AARS1: variants seen among roughly 807,000 people sequenced by gnomAD.
The protein encoded by AARS1 is alanine--tRNA ligase, cytoplasmic.
A neutral mutation model predicts 108.9 loss-of-function variants in AARS1; 72 were observed. That is an observed-to-expected ratio of 0.66 (90% CI 0.55 to 0.80). The LOEUF is 0.80. Among genes scored for constraint, AARS1 ranks in the 30% least tolerant of loss-of-function variants. The probability of loss-of-function intolerance (pLI) is 0.00; values close to 1 mark genes in which losing one functional copy is unlikely to be tolerated. For missense variants in AARS1, 1,193 were observed against 1,233.2 expected (o/e 0.97, Z 0.49); for synonymous variants, 489 against 465.7 (o/e 1.05, Z -0.64).
At chr16:70,284,976 T>C (rs1368892286) in intron 1 of AARS1, among the ~76,000 whole-genome samples, 1 of 152,164 alleles carries the variant, frequency 6.6e-6, no homozygotes, top group Non-Finnish European at 1.5e-5. Context: ...ACACCTGTAA[T>C]CCCAGCACTT....
At chr16:70,275,859 C>T (rs1199578620) in intron 4 of AARS1, among the ~76,000 whole-genome samples, 1 of 145,294 alleles carries the variant, frequency 6.9e-6, no homozygotes, top group Non-Finnish European at 1.5e-5. Context: ...ATGGCATGAA[C>T]CCAGGAAGCA....
intron 15 of AARS1, among the ~76,000 whole-genome samples, chr16:70,256,936 G>C (rs1248597075): frequency 6.6e-6 from 1 of 151,788 alleles, no homozygotes; most frequent in Non-Finnish European, 1.5e-5. Flanking sequence ...CCAACGTGGA[G>C]AAACCCCCTC....
At chr16:70,288,746 T>C (rs1006148736) in intron 1 of AARS1, among the ~76,000 whole-genome samples, 1 of 151,798 alleles carries the variant, frequency 6.6e-6, no homozygotes, top group Non-Finnish European at 1.5e-5. Context: ...TTTGTATTTT[T>C]AGTAAAGACG....
intron 2 of AARS1, among the ~76,000 whole-genome samples, chr16:70,281,292 T>A (rs1210489189): frequency 1.3e-5 from 2 of 152,156 alleles, no homozygotes; most frequent in Non-Finnish European, 2.9e-5. Flanking sequence ...TTTGGGCAGC[T>A]AAGGCAGGAG....
intron 2 of AARS1, among the ~76,000 whole-genome samples, chr16:70,277,622 G>A (rs1443604513): frequency 1.3e-5 from 2 of 152,284 alleles, no homozygotes; most frequent in East Asian, 1.9e-4. Context: ...TGTATCAGTC[G>A]TCTAGCTGGG....
rs1960872710 is a variant in AARS1 at position 70,287,343 on chromosome 16, G to T, written c.-22+2078C>A. On this transcript the variant is annotated intron_variant, in intron 1 of 20. Coordinates refer to ENST00000261772, the MANE Select transcript of AARS1 (RefSeq NM_001605.3). ...CTTGGGAGGCTGAGTCAGGAGAATTGCTTGAACCTGGGAGGCGGTGGCTGC... is the reference window on the plus strand; with the variant it reads ...CTTGGGAGGCTGAGTCAGGAGAATTTCTTGAACCTGGGAGGCGGTGGCTGC... Among the ~76,000 whole-genome samples, 3 of 148,996 alleles carry T rather than the reference G, an allele frequency of 2.0e-5. No individual in the cohort carries two copies. The South Asian group carries it at 6.3e-4, about 31-fold the overall frequency.
chr16:70,269,767 T>C lies in AARS1; in HGVS notation c.817-4A>G, dbSNP rs746210439. ...TGTATGGTCGGGCACCTGTGCCCTA[T>C]AGATAAGAATCAGGAGGCAGCCCTT... On this transcript the variant is annotated splice_polypyrimidine_tract_variant and splice_region_variant and intron_variant, in intron 6 of 20. Coordinates refer to ENST00000261772, the MANE Select transcript of AARS1 (RefSeq NM_001605.3). 1.8e-5 allele frequency: 29 copies of C among 1,613,982 alleles called. No homozygotes were observed. The highest frequency in any genetic ancestry group is 4.5e-5 in the East Asian group (2 of 44,902).
At position 70,276,954 on chromosome 16, in the gene AARS1, C is replaced by T. The variant is rs766942839; in HGVS notation, c.333+12G>A. 26 of 1,613,988 alleles carry T rather than the reference C, an allele frequency of 1.6e-5. No individual in the cohort carries two copies. Among genetic ancestry groups the T allele is most frequent in the African/African-American group, 2.7e-5 (2 of 74,912 alleles). On this transcript the variant is annotated intron_variant, in intron 3 of 20. Coordinates refer to ENST00000261772, the MANE Select transcript of AARS1 (RefSeq NM_001605.3). Reference sequence around the variant, plus strand: ...CCTCAAAACCCTAGTGGTTCTTCTGCTCTGAACTTACCTTAAAGTAATCTC... The same window carrying T: ...CCTCAAAACCCTAGTGGTTCTTCTGTTCTGAACTTACCTTAAAGTAATCTC...
Position 70,253,394 on chromosome 16 carries a change from C to T in AARS1, c.2608-13G>A. 6.2e-7 allele frequency: 1 copy of T among 1,605,734 alleles called. No individual in the cohort carries two copies. The highest frequency in any genetic ancestry group is 8.5e-7 in the Non-Finnish European group (1 of 1,172,620). ...CTTCATTCAGGGCCTGTGGGGAGGA[C>T]CTGGCTCAGGCCACGGTGCTGGAGC... On this transcript the variant is annotated splice_polypyrimidine_tract_variant and intron_variant, in intron 19 of 20. Coordinates refer to ENST00000261772, the MANE Select transcript of AARS1 (RefSeq NM_001605.3).
intron 2 of AARS1, among the ~76,000 whole-genome samples, chr16:70,279,670 C>CAAAAAAAAAAAAAAAA (rs367753826): frequency 8.7e-6 from 1 of 114,576 alleles, no homozygotes; most frequent in Non-Finnish European, 1.8e-5. Context: ...CAAAAAAAAA[C>CAAAAAAAAAAAAAAAA]AAAAAAAAAA....
chr16:70,261,012 G>T, intron 13 of AARS1, 32 bp downstream of exon 13: 2 of 1,513,764 alleles, frequency 1.3e-6, no homozygotes, highest in Non-Finnish European at 1.8e-6. Context: ...TTACTAACCA[G>T]ATCCAATGGG....
chr16:70,253,043 G>A (rs889622426), intron 20 of AARS1, 137 bp from the exon 21 acceptor site: 29 of 1,076,008 alleles, frequency 2.7e-5, no homozygotes, highest in Non-Finnish European at 3.3e-5. Context: ...CAGACTTTAC[G>A]GCTGGTACAG....
intron 10 of AARS1, chr16:70,265,313 T>TA: frequency 1.1e-6 from 1 of 906,220 alleles, no homozygotes; most frequent in Non-Finnish European, 1.8e-6. Flanking sequence ...CTCTACCAAG[T>TA]ACGTGACAGC....
rs575157151 is a variant in AARS1, at chr16:70,260,787, C to T, written c.1785+257G>A. On this transcript the variant is annotated intron_variant, in intron 13 of 20. Coordinates refer to ENST00000261772, the MANE Select transcript of AARS1 (RefSeq NM_001605.3). ...ACGCCATTCTCCTGCCTCAGCCTCC[C>T]GAGTAGCTGGGACTATAGGCGCCTG... Among the ~76,000 whole-genome samples, 722 of 152,178 alleles carry T rather than the reference C, an allele frequency of 4.7e-3. 9 individuals are homozygous for T. The highest frequency in any genetic ancestry group is 0.016 in the African/African-American group (678 of 41,518).
intron 2 of AARS1, among the ~76,000 whole-genome samples, chr16:70,280,237 G>A (rs1960662674): frequency 6.6e-6 from 1 of 152,042 alleles, no homozygotes; most frequent in Admixed American, 6.6e-5. Flanking sequence ...TCTTTTTTGA[G>A]ACGGAGTCTC....
intron 1 of AARS1, among the ~76,000 whole-genome samples, chr16:70,286,393 G>C: frequency 7.2e-6 from 1 of 138,966 alleles, no homozygotes; most frequent in East Asian, 2.1e-4. Flanking sequence ...TTTTGAGACA[G>C]GGTCTCCCTC....
intron 4 of AARS1, among the ~76,000 whole-genome samples, chr16:70,274,609 AG>A (rs1960492816): frequency 6.6e-6 from 1 of 151,670 alleles, no homozygotes; most frequent in South Asian, 2.1e-4. Context: ...CTATAATCCC[AG>A]GTACTCGGGA....
chr16:70,288,632 T>C (rs573937101), intron 1 of AARS1, among the ~76,000 whole-genome samples: 31 of 149,018 alleles, frequency 2.1e-4, no homozygotes, highest in African/African-American at 6.9e-4. Flanking sequence ...AATGGTGTGA[T>C]CTCAGCTCAC....
At chr16:70,286,112 C>G (rs1268138198) in intron 1 of AARS1, among the ~76,000 whole-genome samples, 4 of 152,128 alleles carry the variant, frequency 2.6e-5, no homozygotes, top group African/African-American at 7.2e-5. Context: ...TCTATGAAGG[C>G]TGAAACTATT....
Sources: allele counts gnomAD v4.1 joint callset (sites outside exome capture counted in the v4.1 genomes callset), GRCh38; gene constraint gnomAD v4.1.1; transcripts MANE v1.5; gene names NCBI Gene and HGNC (gene_info 2026-07-23, HGNC 2026-07-21).